EXD1: variants seen among roughly 807,000 people sequenced by gnomAD.
EXD1 encodes exonuclease 3'-5' domain containing 1.
Under a neutral mutation model 49.1 loss-of-function variants are expected in EXD1, and 63 were observed. The ratio of observed to expected loss-of-function variants is 1.28; its 90% confidence interval spans 1.05 to 1.58. The LOEUF is 1.58. EXD1 is among the 40% of genes most tolerant of loss of function. The pLI, the probability that EXD1 is intolerant of heterozygous loss-of-function variation, is 0.00. For missense variants in EXD1, 748 were observed against 666.0 expected, an observed-to-expected ratio of 1.12 and a Z score of -1.36; for synonymous variants, 234 against 239.2, an observed-to-expected ratio of 0.98 and a Z score of 0.20.
intron 9 of EXD1, among the ~76,000 whole-genome samples, chr15:41,193,999 A>ATTTTTTT (rs747194413): frequency 1.3e-4 from 11 of 82,924 alleles, no homozygotes; most frequent in Non-Finnish European, 2.0e-4. Flanking sequence ...ATGACAAGTG[A>ATTTTTTT]TTTTTTTTTT....
At chr15:41,214,809 G>C (rs951224561) in intron 6 of EXD1, among the ~76,000 whole-genome samples, 1 of 151,588 alleles carries the variant, frequency 6.6e-6, no homozygotes, top group Non-Finnish European at 1.5e-5. Context: ...GCAGTGGCAC[G>C]ATCTCGGCTC....
intron 6 of EXD1, among the ~76,000 whole-genome samples, chr15:41,214,042 C>A (rs933871499): frequency 7.9e-5 from 12 of 152,228 alleles, no homozygotes; most frequent in Non-Finnish European, 1.5e-4. Flanking sequence ...TGGCAGGCGC[C>A]TGTAGTCCCA....
At position 41,195,945 on chromosome 15, in the gene EXD1, CTT is replaced by C. The variant is rs777956788; in HGVS notation, c.625_626del (p.Lys209GlufsTer8). 6 of 1,610,392 alleles carry C rather than the reference CTT, an allele frequency of 3.7e-6. No homozygotes were observed. The highest frequency in any genetic ancestry group is 1.3e-5 in the African/African-American group (1 of 74,730). Reference sequence around the variant, plus strand: ...TTTATATACTTACCTTCAAAATTCTCTTGTCTTCTAGTATCATCTGAAGTCCA... The same window carrying C: ...TTTATATACTTACCTTCAAAATTCTCGTCTTCTAGTATCATCTGAAGTCCA... ...HNGLQMILED[K>X]RILKVIHDCR... On this transcript the variant is annotated frameshift_variant, in exon 8 of 12. Coordinates refer to ENST00000458580, the MANE Select transcript of EXD1 (RefSeq NM_001286441.2). LOFTEE classifies it high-confidence loss of function.
At chr15:41,219,325 T>C (rs187745870) in intron 3 of EXD1, 13 of 152,330 alleles carry the variant, frequency 8.5e-5, no homozygotes, top group African/African-American at 3.1e-4. Context: ...CCAGATATGC[T>C]ATTTATAGTC....
At chr15:41,199,723 T>TATATATCACATATATATC (rs1555414681) in intron 7 of EXD1, among the ~76,000 whole-genome samples, 1 of 36,308 alleles carries the variant, frequency 2.8e-5, no homozygotes, top group African/African-American at 7.3e-5. Context: ...TATGATATAT[T>TATATATCACATATATATC]ATATATGATA....
intron 1 of EXD1, among the ~76,000 whole-genome samples, chr15:41,230,082 C>CA (rs1360414706): frequency 8.2e-6 from 1 of 122,270 alleles, no homozygotes; most frequent in Non-Finnish European, 1.7e-5. Flanking sequence ...TGGCTTTTAC[C>CA]TTTTTTTTTT....
intron 7 of EXD1, among the ~76,000 whole-genome samples, chr15:41,206,729 C>T (rs1566985347): frequency 1.4e-5 from 2 of 147,908 alleles, no homozygotes; most frequent in Non-Finnish European, 3.0e-5. Context: ...CCAAGTGATC[C>T]GCCTGCCTCA....
chr15:41,196,798 C>T (rs2046621303), intron 7 of EXD1, among the ~76,000 whole-genome samples: 1 of 151,934 alleles, frequency 6.6e-6, no homozygotes, highest in Non-Finnish European at 1.5e-5. Flanking sequence ...AACTCCTGAC[C>T]TCAAATGATC....
chr15:41,206,807 AG>A (rs1457584525), intron 7 of EXD1, among the ~76,000 whole-genome samples: 2 of 147,736 alleles, frequency 1.4e-5, no homozygotes, highest in Non-Finnish European at 3.0e-5. Context: ...TTTTTAGTAG[AG>A]GCGGGGTTTC....
At chr15:41,226,412 A>G (rs1400972147) in intron 2 of EXD1, 31 bp downstream of exon 2, 2 of 1,533,112 alleles carry the variant, frequency 1.3e-6, no homozygotes, top group African/African-American at 2.7e-5. Flanking sequence ...ATCTCTTAAA[A>G]GGCAGAACAT....
chr15:41,202,174 T>TA (rs201564521), intron 7 of EXD1, among the ~76,000 whole-genome samples: 6 of 149,768 alleles, frequency 4.0e-5, no homozygotes, highest in South Asian at 4.2e-4. Flanking sequence ...ATATTTTTTT[T>TA]AATTTAATTT....
intron 2 of EXD1, among the ~76,000 whole-genome samples, chr15:41,220,271 C>A (rs1345016590): frequency 6.6e-6 from 1 of 151,502 alleles, no homozygotes; most frequent in African/African-American, 2.4e-5. Context: ...GGGCAGCCTG[C>A]AACTTTTTTT....
Position 41,230,670 on chromosome 15 carries a change from C to G in EXD1, c.-245G>C. The G allele has an allele frequency of 9.4e-7, 1 of 1,062,706 alleles. No homozygotes were observed. The highest frequency in any genetic ancestry group is 1.6e-5 in the African/African-American group (1 of 62,316). 65.8% of individuals were successfully genotyped at this position (1,062,706 alleles called of 1,614,324 possible). On this transcript the variant is annotated 5_prime_UTR_variant, in exon 1 of 12. Coordinates refer to ENST00000458580, the MANE Select transcript of EXD1 (RefSeq NM_001286441.2). ...CCACCCGGCGGCGGTTATCAAATCA[C>G]AGGCTGAAAACCTGGAGAAAGGTCC... is the stretch of plus-strand genomic sequence containing the variant.
intron 6 of EXD1, among the ~76,000 whole-genome samples, chr15:41,213,813 T>C (rs2046958375): frequency 6.6e-6 from 1 of 152,182 alleles, no homozygotes; most frequent in Non-Finnish European, 1.5e-5. Flanking sequence ...ATTTATTATG[T>C]TGCTTTACTT....
intron 6 of EXD1, 138 bp from the exon 7 acceptor site, chr15:41,209,725 C>A (rs2046892675): frequency 1.4e-6 from 1 of 701,176 alleles, no homozygotes; most frequent in Non-Finnish European, 2.4e-6. Context: ...TTGATTAATC[C>A]AAAACAGTCT....
chr15:41,206,003 C>T (rs1038165393), intron 7 of EXD1, among the ~76,000 whole-genome samples: 2 of 151,300 alleles, frequency 1.3e-5, no homozygotes, highest in African/African-American at 4.9e-5. Flanking sequence ...CCTCAGCCTC[C>T]CATAAATTCT....
At chr15:41,188,828 AGTCTTGCTCTGT>A (rs1281084243) in intron 11 of EXD1, among the ~76,000 whole-genome samples, 2 of 118,480 alleles carry the variant, frequency 1.7e-5, no homozygotes, top group Non-Finnish European at 3.3e-5. Flanking sequence ...TTTGAGACAG[AGTCTTGCTCTGT>A]CACCCAGGCT....
At chr15:41,229,858 G>A (rs1184836604) in intron 1 of EXD1, among the ~76,000 whole-genome samples, 1 of 152,164 alleles carries the variant, frequency 6.6e-6, no homozygotes, top group African/African-American at 2.4e-5. Context: ...CTCAGGCTAA[G>A]CTGTAAAGCC....
intron 9 of EXD1, among the ~76,000 whole-genome samples, chr15:41,194,343 G>T (rs897976382): frequency 2.0e-5 from 3 of 152,066 alleles, no homozygotes; most frequent in Admixed American, 6.6e-5. Context: ...CAAGGCAGAC[G>T]GAGATTTTAC....
Sources: allele counts gnomAD v4.1 joint callset (sites outside exome capture counted in the v4.1 genomes callset), GRCh38; gene constraint gnomAD v4.1.1; transcripts MANE v1.5; gene names NCBI Gene and HGNC (gene_info 2026-07-23, HGNC 2026-07-21).